Variants in TSTD2 observed in about 807,000 individuals in gnomAD.
TSTD2 encodes thiosulfate sulfurtransferase like domain containing 2, also known as thiosulfate sulfurtransferase/rhodanese-like domain-containing protein 2.
TSTD2 carries 37 observed loss-of-function variants against 47.9 expected under a neutral mutation model. The ratio of observed to expected loss-of-function variants is 0.77; its 90% CI spans 0.59 to 1.02. The LOEUF (loss-of-function observed/expected upper bound fraction) is 1.02, where lower values mean the gene tolerates loss of function less well. Ranked by LOEUF, TSTD2 falls within the 50% of genes least tolerant of loss-of-function variation. TSTD2 has a pLI of 0.00. For missense variants in TSTD2, 586 were observed against 616.0 expected (o/e 0.95, Z 0.52); for synonymous variants, 201 against 215.9 (o/e 0.93, Z 0.61).
intron 9 of TSTD2, chr9:97,604,499 C>G: frequency 5.7e-6 from 3 of 530,896 alleles, no homozygotes; most frequent in Non-Finnish European, 9.6e-6. Context: ...ATGGGCTTGT[C>G]CAGCTAGCAA....
Position 97,602,410 on chromosome 9 carries a change from T to G in TSTD2, c.*59A>C. ...TTCTGCAGTCTTGCCATGCTTTCTCTGTATAGTCACCCCAAACCTACTTTT... is the reference window on the plus strand; with the variant it reads ...TTCTGCAGTCTTGCCATGCTTTCTCGGTATAGTCACCCCAAACCTACTTTT... On this transcript the variant is annotated 3_prime_UTR_variant, in exon 10 of 10. Coordinates refer to ENST00000341170, the MANE Select transcript of TSTD2 (RefSeq NM_139246.5). The G allele has an allele frequency of 6.6e-7, 1 of 1,506,228 alleles. No homozygotes were observed. Among genetic ancestry groups the G allele is most frequent in the Non-Finnish European group, 8.9e-7 (1 of 1,125,648 alleles). 93.3% of individuals were successfully genotyped at this position (1,506,228 alleles called of 1,614,324 possible).
intron 1 of TSTD2, among the ~76,000 whole-genome samples, chr9:97,630,686 G>A (rs535253824): frequency 1.3e-5 from 2 of 152,230 alleles, no homozygotes; most frequent in East Asian, 1.9e-4. Flanking sequence ...TGAGAGAGAG[G>A]AGGTAATATC....
At chr9:97,624,358 C>T (rs910957946) in intron 3 of TSTD2, among the ~76,000 whole-genome samples, 2 of 152,090 alleles carry the variant, frequency 1.3e-5, no homozygotes, top group African/African-American at 4.8e-5. Context: ...AGGCCTTTGA[C>T]TAAAAGCCAC....
chr9:97,620,164 G>C (rs183445420), intron 3 of TSTD2, among the ~76,000 whole-genome samples: 47 of 152,238 alleles, frequency 3.1e-4, no homozygotes, highest in Non-Finnish European at 1.0e-4. Context: ...GAATCATGGG[G>C]GTAGGTCTTT....
rs1227935657 is a variant in TSTD2 at position 97,633,285 on chromosome 9, GTC to G, written c.-95_-94del. 3.8e-6 allele frequency: 1 copy of G among 260,148 alleles called. No individual in the cohort carries two copies. The highest frequency in any genetic ancestry group is 2.2e-5 in the African/African-American group (1 of 45,236). The allele number at this position is 260,148 out of a possible 1,614,324, so 16.1% of individuals were successfully genotyped here. On this transcript the variant is annotated 5_prime_UTR_variant, in exon 1 of 10. Coordinates refer to ENST00000341170, the MANE Select transcript of TSTD2 (RefSeq NM_139246.5). ...TTCTAAGGTCTCTCTTCCCTGCACT[GTC>G]TCCGCCTAGCAATTGTCACTGCTCA...
chr9:97,610,187 G>T, intron 6 of TSTD2, 159 bp downstream of exon 6: 1 of 521,640 alleles, frequency 1.9e-6, no homozygotes, highest in Non-Finnish European at 3.4e-6. Context: ...GCACCACAGA[G>T]AAACAGTATA....
Position 97,617,758 on chromosome 9 carries a change from T to G in TSTD2, c.602A>C (p.Lys201Thr). 6.2e-7 allele frequency: 1 copy of G among 1,612,972 alleles called. No homozygotes were observed. Among genetic ancestry groups the G allele is most frequent in the South Asian group, 1.1e-5 (1 of 90,888 alleles). ...ALCQHLHLTGKIRIAAEGING... is the reference protein window; with the variant it reads ...ALCQHLHLTGTIRIAAEGING... Reference sequence around the variant, plus strand: ...AAGGAATATAGGAGAAGGTGTTACCTTGCCTGTGAGGTGCAGGTGCTGACA... The same window carrying G: ...AAGGAATATAGGAGAAGGTGTTACCGTGCCTGTGAGGTGCAGGTGCTGACA... Residue 201 changes from lysine (K) to threonine (T), a missense_variant and splice_region_variant, in exon 4 of 10, where the codon AAG becomes ACG. Lys to Thr is a moderately conservative substitution (Grantham distance 78). Coordinates refer to ENST00000341170, the MANE Select transcript of TSTD2 (RefSeq NM_139246.5).
chr9:97,603,304 C>A (rs1826303333), intron 9 of TSTD2: 2 of 156,100 alleles, frequency 1.3e-5, no homozygotes, highest in African/African-American at 2.4e-5. Flanking sequence ...CCTGTTTTTC[C>A]CTGATGACCT....
chr9:97,610,357 TAGG>T lies in TSTD2; in HGVS notation c.821_823del (p.Ser274del), dbSNP rs762286516. 22 of 1,604,344 alleles carry T rather than the reference TAGG, an allele frequency of 1.4e-5. No individual in the cohort carries two copies. Among genetic ancestry groups the T allele is most frequent in the Non-Finnish European group, 1.7e-5 (20 of 1,176,308 alleles). On this transcript the variant is annotated inframe_deletion, in exon 6 of 10. Transcript: ENST00000341170. The stretch of plus-strand genomic sequence containing the variant: ...AAAAGCAAGCATACCAGGCTTCTTG[TAGG>T]AGATCTTTTTGGGGCTGATCCCCAT...
chr9:97,617,790 TG>T lies in TSTD2; in HGVS notation c.569del (p.Thr190LysfsTer102). 6.2e-7 allele frequency: 1 copy of T among 1,614,136 alleles called. No homozygotes were observed. Among genetic ancestry groups the T allele is most frequent in the Non-Finnish European group, 8.5e-7 (1 of 1,180,008 alleles). On this transcript the variant is annotated frameshift_variant, in exon 4 of 10. Transcript: ENST00000341170. LOFTEE classifies it high-confidence loss of function. ...EDPQWICAWQTALCQHLHLTG... is the reference protein window; with the variant it reads ...EDPQWICAWQXALCQHLHLTG... ...TGAGGTGCAGGTGCTGACACAGAGC[TG>T]TCTGCCAGGCACAGATCCATTGGGG...
rs760169783 is a variant in TSTD2, at chr9:97,602,753, C to T, written c.1267G>A (p.Gly423Arg). ...AGTTTATACTGGTCCCAGCGGGCTC[C>T]ACAGTATGAACACTCTGGGGAGGAA... ...SDVVSECSYC[G>R]ARWDQYKLCS... The change falls in exon 10 of 10, where the codon GGA (glycine) becomes AGA (arginine). Residue 423 changes from glycine to arginine, a missense_variant. Gly to Arg is a moderately radical substitution (Grantham distance 125, BLOSUM62 -2). Coordinates refer to ENST00000341170, the MANE Select transcript of TSTD2 (RefSeq NM_139246.5). 5.0e-6 allele frequency: 8 copies of T among 1,612,262 alleles called. No homozygotes were observed. The African/African-American group carries it at 1.1e-4, about 22-fold the overall frequency.
At position 97,601,534 on chromosome 9, in the gene TSTD2, A is replaced by G; in HGVS notation, c.*935T>C. 1 of 989,366 alleles carries G rather than the reference A, an allele frequency of 1.0e-6. No individual in the cohort carries two copies. Among genetic ancestry groups the G allele is most frequent in the South Asian group, 4.6e-5 (1 of 21,934 alleles). 61.3% of individuals were successfully genotyped at this position (989,366 alleles called of 1,614,324 possible). A position where few individuals can be genotyped will look rare whatever the true frequency, so the allele number is the denominator to read the frequency against. On this transcript the variant is annotated 3_prime_UTR_variant, in exon 10 of 10. Transcript: ENST00000341170. ...AAACCAAACCAACAGAAAATGAAGAAGGCCACATCTTTAAGGCCACCTCTG... is the reference window on the plus strand; with the variant it reads ...AAACCAAACCAACAGAAAATGAAGAGGGCCACATCTTTAAGGCCACCTCTG...
chr9:97,611,739 T>C (rs1018883798), intron 4 of TSTD2, 40 bp from the exon 5 acceptor site: 1 of 1,575,528 alleles, frequency 6.3e-7, no homozygotes, highest in East Asian at 2.3e-5. Flanking sequence ...AGATTGTTCT[T>C]AGCTTGGTTA....
In TSTD2 at chr9:97,600,122, T is replaced by G; in HGVS notation, c.*2347A>C. ...AAAACACTTTATTACAAATTTGTCT[T>G]AGCTATTAGCAAATAAAACTGATTA... On this transcript the variant is annotated 3_prime_UTR_variant, in exon 10 of 10. Coordinates refer to ENST00000341170, the MANE Select transcript of TSTD2 (RefSeq NM_139246.5). 1 of 1,004,626 alleles carries G rather than the reference T, an allele frequency of 1.0e-6. No homozygotes were observed. Among genetic ancestry groups the G allele is most frequent in the South Asian group, 4.3e-5 (1 of 23,524 alleles). The allele number at this position is 1,004,626 out of a possible 1,614,324, so 62.2% of individuals were successfully genotyped here.
intron 6 of TSTD2, among the ~76,000 whole-genome samples, chr9:97,606,523 A>G (rs925089296): frequency 6.6e-6 from 1 of 152,254 alleles, no homozygotes; most frequent in African/African-American, 2.4e-5. Context: ...ATAACTAGTC[A>G]AAGAATTTTG....
intron 7 of TSTD2, 77 bp from the exon 8 acceptor site, chr9:97,605,718 A>G (rs1826354718): frequency 1.3e-6 from 2 of 1,578,326 alleles, no homozygotes; most frequent in African/African-American, 1.4e-5. Context: ...TTTGTACCCA[A>G]CAAACCCTAC....
Position 97,600,738 on chromosome 9 carries a change from G to T in TSTD2, c.*1731C>A. 2.0e-6 allele frequency: 2 copies of T among 1,006,922 alleles called. No individual in the cohort carries two copies. The highest frequency in any genetic ancestry group is 2.4e-6 in the Non-Finnish European group (2 of 842,900). 62.4% of individuals were successfully genotyped at this position (1,006,922 alleles called of 1,614,324 possible). A position where few individuals can be genotyped will look rare whatever the true frequency, so the allele number is the denominator to read the frequency against. On this transcript the variant is annotated 3_prime_UTR_variant, in exon 10 of 10. Coordinates refer to ENST00000341170, the MANE Select transcript of TSTD2 (RefSeq NM_139246.5). The stretch of plus-strand genomic sequence containing the variant: ...ATGGTGAAGAAACTCCAGATATCAA[G>T]GAATTGGGAAATCCTGGCCAAACCA...
chr9:97,610,241 A>C (rs533334077), intron 6 of TSTD2, 105 bp downstream of exon 6: 882 of 945,730 alleles, frequency 9.3e-4, no homozygotes, highest in Non-Finnish European at 1.3e-3. Context: ...CAGCTGCTTT[A>C]GAGAGGACTC....
At chr9:97,609,557 G>A (rs1211273282) in intron 6 of TSTD2, among the ~76,000 whole-genome samples, 1 of 152,188 alleles carries the variant, frequency 6.6e-6, no homozygotes, top group Non-Finnish European at 1.5e-5. Context: ...TAAAAAGTAT[G>A]AGACAACCGG....
Sources: gnomAD v4.1 joint callset for allele counts (sites outside exome capture counted in the v4.1 genomes callset) on GRCh38, gnomAD v4.1.1 for gene constraint, MANE v1.5 for transcripts, NCBI Gene and HGNC (gene_info 2026-07-23, HGNC 2026-07-21) for gene names.